NARS2: variants seen among roughly 807,000 people sequenced by gnomAD.
NARS2 encodes the protein asparaginyl-tRNA synthetase.
NARS2 carries 60 observed loss-of-function variants against 62.9 expected under a neutral mutation model. The observed-to-expected ratio is 0.95, with a 90% confidence interval of 0.77 to 1.18. The LOEUF is 1.18. NARS2 is among the 50% of genes most tolerant of loss of function. The probability of loss-of-function intolerance (pLI) is 0.00; values close to 1 mark genes in which losing one functional copy is unlikely to be tolerated. For synonymous variants in NARS2, 196 were observed against 200.0 expected (o/e 0.98, Z 0.17); for missense variants, 619 against 576.4 (o/e 1.07, Z -0.76).
chr11:78,568,448 C>T (rs921954502), intron 3 of NARS2, among the ~76,000 whole-genome samples, 184 bp downstream of exon 3: 24 of 152,060 alleles, frequency 1.6e-4, no homozygotes, highest in Non-Finnish European at 5.9e-5. Context: ...CAACACTTAC[C>T]TCTCACTAAG....
chr11:78,441,907 T>C (rs1836063220), intron 12 of NARS2, among the ~76,000 whole-genome samples: 2 of 152,176 alleles, frequency 1.3e-5, no homozygotes, highest in South Asian at 4.1e-4. Context: ...AAATTCTTAG[T>C]GGTAATTGAA....
intron 6 of NARS2, among the ~76,000 whole-genome samples, chr11:78,508,917 C>T (rs983282986): frequency 6.6e-6 from 1 of 151,730 alleles, no homozygotes; most frequent in African/African-American, 2.4e-5. Flanking sequence ...GAGTTTGAGA[C>T]CAGCCTGGCC....
In NARS2 at chr11:78,522,501, T is replaced by A. The variant is rs184135131; in HGVS notation, c.689+6341A>T. 2.3e-3 allele frequency among the ~76,000 whole-genome samples: 356 copies of A among 152,326 alleles called. 2 individuals carry two copies. Among genetic ancestry groups the A allele is most frequent in the Non-Finnish European group, 3.7e-3 (250 of 68,030 alleles). Reference sequence around the variant, plus strand: ...GACCATCCCATTTTCTAAAAGGATATGTGGCAATATTCCTTCATCATTTAT... The same window carrying A: ...GACCATCCCATTTTCTAAAAGGATAAGTGGCAATATTCCTTCATCATTTAT... On this transcript the variant is annotated intron_variant, in intron 6 of 13. Transcript: ENST00000281038.
chr11:78,473,958 C>T (rs528833859), intron 9 of NARS2, among the ~76,000 whole-genome samples: 2 of 152,180 alleles, frequency 1.3e-5, no homozygotes, highest in South Asian at 2.1e-4. Context: ...ACTGGAAAAT[C>T]GCCCTCCAGC....
At chr11:78,495,906 G>A (rs190195553) in intron 6 of NARS2, among the ~76,000 whole-genome samples, 1 of 152,286 alleles carries the variant, frequency 6.6e-6, no homozygotes, top group Non-Finnish European at 1.5e-5. Context: ...TACTTATGGA[G>A]CACAGGATGC....
At chr11:78,486,123 C>A (rs1403985505) in intron 7 of NARS2, among the ~76,000 whole-genome samples, 2 of 152,160 alleles carry the variant, frequency 1.3e-5, no homozygotes, top group East Asian at 3.8e-4. Context: ...GATCTGCCCG[C>A]CTCGGCCTCC....
rs143822260 is a variant in NARS2, at chr11:78,571,861, C to T, written c.142-417G>A. 6.6e-5 allele frequency among the ~76,000 whole-genome samples: 10 copies of T among 152,290 alleles called. No individual in the cohort carries two copies. The East Asian group carries it at 1.9e-3, about 29-fold the overall frequency. ...TTCTTTCTGGTTTCATCTCACTGCG[C>T]TGCCCAGAAGGCATCTCCTCTTTGG... On this transcript the variant is annotated intron_variant, in intron 1 of 13. Coordinates refer to ENST00000281038, the MANE Select transcript of NARS2 (RefSeq NM_024678.6).
At chr11:78,492,088 CATATAT>C (rs137953485) in intron 7 of NARS2, among the ~76,000 whole-genome samples, 2 of 146,942 alleles carry the variant, frequency 1.4e-5, no homozygotes, top group Admixed American at 6.8e-5. Context: ...CTAAGTACTT[CATATAT>C]ATATATATAT....
At chr11:78,552,757 TG>T (rs1856175418) in intron 5 of NARS2, among the ~76,000 whole-genome samples, 1 of 152,196 alleles carries the variant, frequency 6.6e-6, no homozygotes, top group Admixed American at 6.5e-5. Context: ...GTATATGGAT[TG>T]ATGTCTCATG....
intron 7 of NARS2, among the ~76,000 whole-genome samples, chr11:78,480,919 A>G (rs930435033): frequency 7.2e-5 from 11 of 152,050 alleles, no homozygotes; most frequent in African/African-American, 2.7e-4. Context: ...CCCAGGTTCA[A>G]GCAATTCTCC....
intron 12 of NARS2, among the ~76,000 whole-genome samples, chr11:78,441,354 T>C (rs1315353048): frequency 6.6e-6 from 1 of 152,162 alleles, no homozygotes; most frequent in African/African-American, 2.4e-5. Context: ...AAAGAAAATA[T>C]GATCCAGAGT....
At chr11:78,494,806 C>T (rs1489286702) in intron 6 of NARS2, among the ~76,000 whole-genome samples, 2 of 152,136 alleles carry the variant, frequency 1.3e-5, no homozygotes, top group South Asian at 2.1e-4. Context: ...ACCCTGTTCC[C>T]CAAAACAAAC....
intron 6 of NARS2, among the ~76,000 whole-genome samples, chr11:78,520,854 G>A (rs1431644811): frequency 2.6e-5 from 4 of 152,014 alleles, no homozygotes; most frequent in African/African-American, 9.7e-5. Flanking sequence ...TCAGGAGTTC[G>A]AGAACAGCCT....
chr11:78,505,160 C>G (rs1860438590), intron 6 of NARS2, among the ~76,000 whole-genome samples: 2 of 151,586 alleles, frequency 1.3e-5, no homozygotes, highest in Non-Finnish European at 2.9e-5. Context: ...TAGCTCATGT[C>G]TGTAGTTCCA....
intron 6 of NARS2, among the ~76,000 whole-genome samples, chr11:78,506,374 T>G (rs1228425355): frequency 6.6e-6 from 1 of 152,220 alleles, no homozygotes; most frequent in Non-Finnish European, 1.5e-5. Flanking sequence ...GACTCCTGCA[T>G]GAATTTTCAG....
At chr11:78,437,947 C>T (rs2135127259) in intron 13 of NARS2, among the ~76,000 whole-genome samples, 1 of 141,544 alleles carries the variant, frequency 7.1e-6, no homozygotes, top group East Asian at 2.0e-4. Flanking sequence ...TGCACTCCAG[C>T]CTGGGTGACA....
chr11:78,531,078 C>A lies in NARS2; in HGVS notation c.595-2142G>T, dbSNP rs144122010. ...AAGTAATTACAAAAAGTGATATCAG[C>A]AAATATGGCAGGATAGGTAGCTCCA... On this transcript the variant is annotated intron_variant, in intron 5 of 13. Coordinates refer to ENST00000281038, the MANE Select transcript of NARS2 (RefSeq NM_024678.6). 2.3e-4 allele frequency among the ~76,000 whole-genome samples: 35 copies of A among 151,894 alleles called. No individual in the cohort carries two copies. The East Asian group carries it at 6.0e-3, about 26-fold the overall frequency.
intron 7 of NARS2, among the ~76,000 whole-genome samples, chr11:78,488,476 C>CT (rs1299908488): frequency 6.6e-6 from 1 of 152,148 alleles, no homozygotes; most frequent in Non-Finnish European, 1.5e-5. Context: ...TAATTCTCCC[C>CT]TGAAGCCTCC....
chr11:78,436,946 C>T (rs1306144255), intron 13 of NARS2, 132 bp from the exon 14 acceptor site: 1 of 833,642 alleles, frequency 1.2e-6, no homozygotes, highest in African/African-American at 1.7e-5. Flanking sequence ...ACCAGTCTTT[C>T]CCCTCCACAG....
Sources: gnomAD v4.1 joint callset for allele counts (sites outside exome capture counted in the v4.1 genomes callset) on GRCh38, gnomAD v4.1.1 for gene constraint, MANE v1.5 for transcripts, NCBI Gene and HGNC (gene_info 2026-07-23, HGNC 2026-07-21) for gene names.